Variants in SPATA6 observed in about 807,000 individuals in gnomAD.
The protein encoded by SPATA6 is spermatogenesis-associated protein 6.
SPATA6 carries 56 observed loss-of-function variants against 65.3 expected under a neutral mutation model. The ratio of observed to expected loss-of-function variants is 0.86; its 90% CI spans 0.69 to 1.07. SPATA6 has a LOEUF of 1.07. Ranked by LOEUF, SPATA6 falls within the 50% of genes least tolerant of loss-of-function variation. The pLI is 0.00. For missense variants in SPATA6, 590 were observed against 594.8 expected (o/e 0.99, Z 0.08); for synonymous variants, 199 against 213.2 (o/e 0.93, Z 0.58).
chr1:48,420,165 C>T (rs954746986), intron 3 of SPATA6, among the ~76,000 whole-genome samples: 2 of 152,060 alleles, frequency 1.3e-5, no homozygotes, highest in Admixed American at 1.3e-4. Flanking sequence ...TGTAAAAACC[C>T]AAGAAGACAG....
chr1:48,365,352 T>G (rs1175362529), intron 9 of SPATA6, among the ~76,000 whole-genome samples: 1 of 152,182 alleles, frequency 6.6e-6, no homozygotes, highest in African/African-American at 2.4e-5. Context: ...ATTAGCAGCT[T>G]GATGGGGGTG....
the SPATA6 span, among the ~76,000 whole-genome samples, chr1:48,290,121 G>C: frequency 1.3e-5 from 2 of 152,190 alleles, no homozygotes; most frequent in Non-Finnish European, 2.9e-5. Flanking sequence ...TACCCACAAA[G>C]GGAAGCCCAT....
chr1:48,415,330 T>A (rs1652659781), intron 3 of SPATA6, among the ~76,000 whole-genome samples: 1 of 152,052 alleles, frequency 6.6e-6, no homozygotes, highest in African/African-American at 2.4e-5. Flanking sequence ...TTTTGTAGAG[T>A]CTTTTATGAT....
chr1:48,453,161 C>A (rs1656730401), intron 1 of SPATA6, 30 bp from the exon 2 acceptor site: 2 of 1,596,316 alleles, frequency 1.3e-6, no homozygotes, highest in African/African-American at 1.4e-5. Flanking sequence ...ATGGATGTAA[C>A]TGCTTTATAA....
rs1443879398 is a variant in SPATA6 at position 48,316,042 on chromosome 1, C to A, written c.1195-10164G>T. On this transcript the variant is annotated intron_variant, in intron 11 of 12. Coordinates refer to ENST00000371847, the MANE Select transcript of SPATA6 (RefSeq NM_019073.4). ...TGCTCAAGGAAATAAAAGATACAAA[C>A]AAATGGAAGAACATTCCATGCTCAC... Among the ~76,000 whole-genome samples the A allele has an allele frequency of 2.0e-5, 3 of 152,200 alleles. No homozygotes were observed. The East Asian group carries it at 5.8e-4, about 29-fold the overall frequency.
chr1:48,397,514 A>G (rs1156473893), intron 7 of SPATA6, among the ~76,000 whole-genome samples: 1 of 151,718 alleles, frequency 6.6e-6, no homozygotes, highest in Non-Finnish European at 1.5e-5. Context: ...GAATCTTGGA[A>G]GCACGCTAAT....
chr1:48,312,656 G>C (rs1570048870), intron 11 of SPATA6, among the ~76,000 whole-genome samples: 2 of 151,370 alleles, frequency 1.3e-5, no homozygotes, highest in South Asian at 4.3e-4. Context: ...TCCTCCAAAG[G>C]AATGCAGCTC....
Position 48,370,316 on chromosome 1 carries a change from T to A in SPATA6, c.910-10546A>T, listed in dbSNP as rs148350681. On this transcript the variant is annotated intron_variant, in intron 9 of 12. Coordinates refer to ENST00000371847, the MANE Select transcript of SPATA6 (RefSeq NM_019073.4). ...GAGAAGTAGTTGAGAATAAGGACCA[T>A]AGGACAGAAGCACAGTGCAGGTACA... 3.2e-4 allele frequency among the ~76,000 whole-genome samples: 48 copies of A among 152,268 alleles called. No individual in the cohort carries two copies. In the East Asian group the frequency reaches 3.7e-3, roughly 12 times the overall value.
chr1:48,436,324 A>G, intron 3 of SPATA6: 1 of 1,612,818 alleles, frequency 6.2e-7, no homozygotes, highest in Non-Finnish European at 8.5e-7. Flanking sequence ...TCCCAATATT[A>G]CAACTTACTG....
chr1:48,463,125 G>A (rs1174027103), intron 1 of SPATA6, among the ~76,000 whole-genome samples: 1 of 152,128 alleles, frequency 6.6e-6, no homozygotes, highest in Non-Finnish European at 1.5e-5. Context: ...AAGCTTCCCT[G>A]GTTCTGCAGC....
intron 3 of SPATA6, among the ~76,000 whole-genome samples, chr1:48,447,178 T>A (rs755748488): frequency 6.6e-6 from 1 of 152,218 alleles, no homozygotes; most frequent in African/African-American, 2.4e-5. Flanking sequence ...TTGGTAACGC[T>A]TCTGGTCAAG....
chr1:48,394,156 G>A (rs565420688), intron 8 of SPATA6, among the ~76,000 whole-genome samples: 1 of 152,192 alleles, frequency 6.6e-6, no homozygotes, highest in East Asian at 1.9e-4. Flanking sequence ...CCATAAGTCT[G>A]AAATTATGCC....
intron 8 of SPATA6, among the ~76,000 whole-genome samples, chr1:48,387,775 C>A (rs1396466604): frequency 6.6e-6 from 1 of 152,194 alleles, no homozygotes; most frequent in Non-Finnish European, 1.5e-5. Flanking sequence ...TGGGCCTACA[C>A]TCATAGCCAC....
intron 11 of SPATA6, among the ~76,000 whole-genome samples, chr1:48,341,646 T>G (rs1422975194): frequency 1.3e-5 from 2 of 152,072 alleles, no homozygotes; most frequent in East Asian, 3.9e-4. Context: ...GTTCTTGACT[T>G]GGAAAGAAAA....
At chr1:48,433,490 A>G (rs569150793) in intron 3 of SPATA6, among the ~76,000 whole-genome samples, 1 of 152,262 alleles carries the variant, frequency 6.6e-6, no homozygotes, top group South Asian at 2.1e-4. Flanking sequence ...CTTCTTCTGT[A>G]AAACTTCTCA....
At chr1:48,452,900 C>A in intron 2 of SPATA6, 94 bp downstream of exon 2, 2 of 1,393,858 alleles carry the variant, frequency 1.4e-6, no homozygotes, top group Non-Finnish European at 1.9e-6. Flanking sequence ...AGCACACAGT[C>A]AGCAGTAATA....
chr1:48,377,413 T>C (rs1193437827), intron 9 of SPATA6, among the ~76,000 whole-genome samples: 2 of 152,186 alleles, frequency 1.3e-5, no homozygotes, highest in Non-Finnish European at 2.9e-5. Flanking sequence ...CCTTAATGAA[T>C]GCTATTTTCC....
chr1:48,374,591 A>T (rs1647672880), intron 9 of SPATA6, among the ~76,000 whole-genome samples: 1 of 152,128 alleles, frequency 6.6e-6, no homozygotes, highest in South Asian at 2.1e-4. Context: ...CCTTCCCATA[A>T]ATCATTTACC....
the SPATA6 span, among the ~76,000 whole-genome samples, chr1:48,277,355 G>T: frequency 2.0e-5 from 3 of 151,984 alleles, no homozygotes; most frequent in African/African-American, 7.3e-5. Context: ...CGCACCATGC[G>T]TGAGCCAAAG....
Sources: gnomAD v4.1 joint callset for allele counts (sites outside exome capture counted in the v4.1 genomes callset) on GRCh38, gnomAD v4.1.1 for gene constraint, MANE v1.5 for transcripts, NCBI Gene and HGNC (gene_info 2026-07-23, HGNC 2026-07-21) for gene names.